Variants in TAFA5 observed in about 807,000 individuals in gnomAD.
TAFA5 encodes TAFA chemokine like family member 5.
TAFA5 carries 6 observed loss-of-function variants against 15.3 expected under a neutral mutation model. The observed-to-expected ratio is 0.39, with a 90% CI of 0.21 to 0.77. The LOEUF (loss-of-function observed/expected upper bound fraction) is 0.77. TAFA5 is among the 30% of genes least tolerant of loss of function. The pLI, the probability that TAFA5 is intolerant of heterozygous loss-of-function variation, is 0.41. For synonymous variants in TAFA5, 103 were observed against 80.7 expected (o/e 1.28, Z -1.48); for missense variants, 161 against 193.1 (o/e 0.83, Z 0.98).
intron 3 of TAFA5, among the ~76,000 whole-genome samples, chr22:48,720,458 A>C (rs2147260453): frequency 6.6e-6 from 1 of 152,164 alleles, no homozygotes; most frequent in East Asian, 1.9e-4. Context: ...TTGGCCTCTG[A>C]GTCTGGCACA....
intron 2 of TAFA5, 27 bp from the exon 3 acceptor site, chr22:48,707,690 T>C (rs371978305): frequency 1.2e-6 from 2 of 1,612,546 alleles, no homozygotes; most frequent in African/African-American, 2.7e-5. Context: ...AGTAGCACGC[T>C]GATTGCCTCT....
chr22:48,572,268 G>A (rs889757288), intron 1 of TAFA5, among the ~76,000 whole-genome samples: 7 of 152,122 alleles, frequency 4.6e-5, no homozygotes, highest in Admixed American at 1.3e-4. Context: ...TGTAGTGACC[G>A]GTCAGTGTGA....
intron 2 of TAFA5, among the ~76,000 whole-genome samples, chr22:48,646,961 G>C (rs1176136655): frequency 2.0e-5 from 3 of 152,164 alleles, no homozygotes; most frequent in Non-Finnish European, 4.4e-5. Flanking sequence ...CTGGGGGAGT[G>C]GTCGGGGAGA....
intron 1 of TAFA5, among the ~76,000 whole-genome samples, chr22:48,637,709 A>G (rs977962455): frequency 2.6e-5 from 4 of 152,078 alleles, no homozygotes; most frequent in African/African-American, 7.2e-5. Flanking sequence ...CGTGTGGGGC[A>G]TGTGGTGTGT....
chr22:48,530,406 G>A lies in TAFA5; in HGVS notation c.112+40702G>A, dbSNP rs750914319. Reference sequence around the variant, plus strand: ...GAGAAGGAATGCACCGGGCACTGTCGTGGGGCCGGCATTCAACTGAAAGGA... The same window carrying A: ...GAGAAGGAATGCACCGGGCACTGTCATGGGGCCGGCATTCAACTGAAAGGA... On this transcript the variant is annotated intron_variant, in intron 1 of 3. Transcript: ENST00000402357. The surrounding 1 kb of genome is among the most constrained non-coding windows in gnomAD (Gnocchi z 6.0). Among the ~76,000 whole-genome samples, 23 of 152,182 alleles carry A rather than the reference G, an allele frequency of 1.5e-4. No individual in the cohort carries two copies. The highest frequency in any genetic ancestry group is 2.2e-4 in the Non-Finnish European group (15 of 68,034).
intron 3 of TAFA5, among the ~76,000 whole-genome samples, chr22:48,734,828 G>A (rs940887272): frequency 7.2e-5 from 11 of 152,186 alleles, no homozygotes; most frequent in Non-Finnish European, 1.2e-4. Flanking sequence ...CAGGTGCTGG[G>A]AAAATCAGCT....
intron 1 of TAFA5, among the ~76,000 whole-genome samples, chr22:48,595,942 T>C (rs3887458): frequency 0.21 from 31,802 of 152,266 alleles, 3,588 homozygotes; most frequent in East Asian, 0.46. Flanking sequence ...AGGACATTTG[T>C]TATCTCTCAT....
chr22:48,605,141 G>A (rs1202562478), intron 1 of TAFA5, among the ~76,000 whole-genome samples: 1 of 133,210 alleles, frequency 7.5e-6, no homozygotes, highest in East Asian at 2.3e-4. Context: ...GATGGTGATG[G>A]TGATGATGGT....
chr22:48,746,681 C>A (rs377202181), intron 3 of TAFA5, among the ~76,000 whole-genome samples: 2 of 152,292 alleles, frequency 1.3e-5, no homozygotes, highest in African/African-American at 4.8e-5. Context: ...GGGAGGTGTG[C>A]CCCGCCCTGG....
chr22:48,583,174 A>G (rs1163798879), intron 1 of TAFA5, among the ~76,000 whole-genome samples: 1 of 147,712 alleles, frequency 6.8e-6, no homozygotes, highest in Non-Finnish European at 1.5e-5. Flanking sequence ...CACACACCAC[A>G]CACACAGTGC....
chr22:48,594,406 G>A (rs1304953128), intron 1 of TAFA5, among the ~76,000 whole-genome samples: 2 of 152,202 alleles, frequency 1.3e-5, no homozygotes, highest in East Asian at 1.9e-4. Context: ...GACAAGCTCC[G>A]AGGCACACAC....
intron 1 of TAFA5, among the ~76,000 whole-genome samples, chr22:48,638,518 G>A (rs1926544214): frequency 8.0e-6 from 1 of 124,576 alleles, no homozygotes; most frequent in South Asian, 2.9e-4. Flanking sequence ...CCACACACAG[G>A]GGGGACCCCA....
chr22:48,621,368 C>G (rs765833269), intron 1 of TAFA5, among the ~76,000 whole-genome samples: 17 of 151,906 alleles, frequency 1.1e-4, no homozygotes, highest in Non-Finnish European at 2.2e-4. Context: ...CACACACCCA[C>G]CCATCCATTC....
intron 2 of TAFA5, among the ~76,000 whole-genome samples, chr22:48,660,275 C>G (rs1354456681): frequency 1.3e-5 from 2 of 152,198 alleles, no homozygotes; most frequent in Non-Finnish European, 2.9e-5. Context: ...GGCCTGGACT[C>G]TGGAGCAGAA....
At chr22:48,692,814 G>A (rs1056146968) in intron 2 of TAFA5, among the ~76,000 whole-genome samples, 1 of 152,342 alleles carries the variant, frequency 6.6e-6, no homozygotes, top group Admixed American at 6.5e-5. Context: ...ATGGGAAGCA[G>A]CCGTGTGTCC....
chr22:48,653,246 G>A (rs1330067888), intron 2 of TAFA5, among the ~76,000 whole-genome samples: 1 of 152,228 alleles, frequency 6.6e-6, no homozygotes, highest in Non-Finnish European at 1.5e-5. Flanking sequence ...GATCCAGATG[G>A]GGTTGGAGAT....
chr22:48,642,400 C>T (rs1315978838), intron 1 of TAFA5, among the ~76,000 whole-genome samples: 3 of 152,216 alleles, frequency 2.0e-5, no homozygotes, highest in African/African-American at 7.2e-5. Context: ...GGTGCGGCCT[C>T]CACAGCTCCT....
intron 1 of TAFA5, among the ~76,000 whole-genome samples, chr22:48,633,168 C>T (rs1926294776): frequency 6.6e-6 from 1 of 152,196 alleles, no homozygotes; most frequent in African/African-American, 2.4e-5. Context: ...GAGGCTGGGC[C>T]TCCTGGAGGA....
intron 1 of TAFA5, among the ~76,000 whole-genome samples, chr22:48,620,159 T>A (rs1925751868): frequency 6.6e-6 from 1 of 152,080 alleles, no homozygotes; most frequent in Admixed American, 6.5e-5. Flanking sequence ...GTGGGGGAAC[T>A]CTTGCCTCAC....
Sources: gnomAD v4.1 joint callset for allele counts (sites outside exome capture counted in the v4.1 genomes callset) on GRCh38, gnomAD v4.1.1 for gene constraint, Gnocchi (gnomAD v3.1) non-coding constraint, MANE v1.5 for transcripts, NCBI Gene and HGNC (gene_info 2026-07-23, HGNC 2026-07-21) for gene names.